SUMF1: variants seen among roughly 807,000 people sequenced by gnomAD.
SUMF1 encodes the protein sulfatase modifying factor 1, also known as formylglycine-generating enzyme.
Under a neutral mutation model 47.6 loss-of-function variants are expected in SUMF1, and 48 were observed. That is an observed-to-expected ratio of 1.01 (90% CI 0.80 to 1.28). SUMF1 has a LOEUF of 1.28. SUMF1 is among the 50% of genes most tolerant of loss of function. The pLI is 0.00. For synonymous variants in SUMF1, 230 were observed against 192.1 expected (o/e 1.20, Z -1.63); for missense variants, 571 against 485.4 (o/e 1.18, Z -1.66).
At chr3:4,243,938 G>A (rs1256402679) in intron 8 of SUMF1, among the ~76,000 whole-genome samples, 2 of 152,128 alleles carry the variant, frequency 1.3e-5, no homozygotes, top group Non-Finnish European at 2.9e-5. Flanking sequence ...GAATCGGGGT[G>A]CTCCTGTATT....
At chr3:4,150,047 A>G (rs762264702) in intron 8 of SUMF1, among the ~76,000 whole-genome samples, 4 of 152,144 alleles carry the variant, frequency 2.6e-5, no homozygotes, top group Non-Finnish European at 4.4e-5. Context: ...TGCTAAACAA[A>G]TATCTTAAGA....
chr3:4,235,032 G>T (rs559497639), intron 8 of SUMF1, among the ~76,000 whole-genome samples: 2 of 152,104 alleles, frequency 1.3e-5, no homozygotes, highest in Admixed American at 6.5e-5. Flanking sequence ...GCTGCAGTTG[G>T]GTGAATAAAT....
intron 8 of SUMF1, among the ~76,000 whole-genome samples, chr3:4,116,429 A>G (rs1386364861): frequency 6.6e-6 from 1 of 151,924 alleles, no homozygotes; most frequent in Non-Finnish European, 1.5e-5. Flanking sequence ...AGAAACCCTA[A>G]ATTTTCAAAA....
At chr3:4,302,797 A>C (rs1390396807) in intron 8 of SUMF1, among the ~76,000 whole-genome samples, 4 of 152,100 alleles carry the variant, frequency 2.6e-5, no homozygotes, top group Non-Finnish European at 5.9e-5. Context: ...ATCCTTTGGC[A>C]GGGCAGGGGT....
intron 8 of SUMF1, among the ~76,000 whole-genome samples, chr3:4,249,522 C>A (rs185176010): frequency 2.4e-4 from 37 of 152,238 alleles, no homozygotes; most frequent in Admixed American, 7.2e-4. Flanking sequence ...GGGGGCACCA[C>A]AAATCACGTC....
At chr3:4,199,322 T>C (rs1695494078) in intron 8 of SUMF1, among the ~76,000 whole-genome samples, 1 of 152,194 alleles carries the variant, frequency 6.6e-6, no homozygotes, top group Admixed American at 6.5e-5. Context: ...AGTTTGCTCC[T>C]TCTTATTGCT....
chr3:4,420,236 T>C (rs532446212), intron 3 of SUMF1, 90 bp from the exon 4 acceptor site: 49 of 921,778 alleles, frequency 5.3e-5, no homozygotes, highest in South Asian at 5.1e-4. Flanking sequence ...AATCTCAATG[T>C]CTTCAACTTC....
At chr3:4,194,805 A>G (rs1485845287) in intron 8 of SUMF1, among the ~76,000 whole-genome samples, 1 of 152,186 alleles carries the variant, frequency 6.6e-6, no homozygotes, top group East Asian at 1.9e-4. Context: ...TACGGTCAAT[A>G]CAGTTCCCAT....
chr3:4,145,910 G>A (rs1476524376), intron 8 of SUMF1, among the ~76,000 whole-genome samples: 2 of 152,058 alleles, frequency 1.3e-5, no homozygotes, highest in African/African-American at 4.8e-5. Context: ...AAGAACCTCA[G>A]CGATTCCAAT....
chr3:4,212,782 C>T (rs1006389690), intron 8 of SUMF1, among the ~76,000 whole-genome samples: 10 of 151,756 alleles, frequency 6.6e-5, no homozygotes, highest in Non-Finnish European at 1.0e-4. Context: ...TATCAATAGC[C>T]GAATTGATCA....
chr3:4,246,344 A>G (rs535858774), intron 8 of SUMF1, among the ~76,000 whole-genome samples: 6 of 151,742 alleles, frequency 4.0e-5, no homozygotes, highest in African/African-American at 1.5e-4. Flanking sequence ...TTCTGTGTCA[A>G]TCTCGCTGGG....
intron 8 of SUMF1, among the ~76,000 whole-genome samples, chr3:4,330,324 G>A (rs1360818736): frequency 6.6e-6 from 1 of 152,118 alleles, no homozygotes; most frequent in East Asian, 1.9e-4. Flanking sequence ...TTCTCATGCT[G>A]CTAATAAAGA....
rs1699783726 is a variant in SUMF1 at position 4,362,152 on chromosome 3, T to C, written c.1117A>G (p.Met373Val). The C allele has an allele frequency of 1.2e-6, 2 of 1,614,020 alleles. No individual in the cohort carries two copies. Among genetic ancestry groups the C allele is most frequent in the East Asian group, 2.2e-5 (1 of 44,886 alleles). ...FRCAADRLPT[M>V]D ...AAGACTTTCCTTGGTTGTCAGTCCATAGTGGGCAGGCGGTCGGCTGCACAG... is the reference window on the plus strand; with the variant it reads ...AAGACTTTCCTTGGTTGTCAGTCCACAGTGGGCAGGCGGTCGGCTGCACAG... The change falls in exon 9 of 9, where the codon ATG (methionine) becomes GTG (valine). Residue 373 changes from methionine (M) to valine (V), a missense_variant. Met to Val is a conservative substitution (Grantham distance 21, BLOSUM62 1). Transcript: ENST00000272902.
chr3:4,425,463 T>C (rs1042007490), intron 3 of SUMF1, among the ~76,000 whole-genome samples: 22 of 152,180 alleles, frequency 1.4e-4, no homozygotes, highest in African/African-American at 5.3e-4. Context: ...ACATATATTC[T>C]AATTAGTGAA....
At chr3:4,147,566 G>A (rs1694224825) in intron 8 of SUMF1, among the ~76,000 whole-genome samples, 1 of 152,256 alleles carries the variant, frequency 6.6e-6, no homozygotes, top group East Asian at 1.9e-4. Context: ...CACCTAAAAA[G>A]CTGTTTGACA....
At chr3:4,335,301 T>C (rs4685740) in intron 8 of SUMF1, among the ~76,000 whole-genome samples, 107,654 of 151,538 alleles carry the variant, frequency 0.71, 38,797 homozygotes, top group African/African-American at 0.83. Flanking sequence ...CAGACCACCC[T>C]ACCTACCTCT....
chr3:4,138,578 G>C (rs751712959), intron 8 of SUMF1, among the ~76,000 whole-genome samples: 2 of 152,094 alleles, frequency 1.3e-5, no homozygotes, highest in Non-Finnish European at 1.5e-5. Context: ...AGCTCAGTGA[G>C]CTTCCCTAGT....
At chr3:4,187,566 T>C (rs1384158088) in intron 8 of SUMF1, among the ~76,000 whole-genome samples, 4 of 152,118 alleles carry the variant, frequency 2.6e-5, no homozygotes, top group Non-Finnish European at 5.9e-5. Context: ...TGAACAAAAT[T>C]GAGGAATTAA....
At chr3:4,302,545 T>A (rs1479152587) in intron 8 of SUMF1, among the ~76,000 whole-genome samples, 1 of 152,256 alleles carries the variant, frequency 6.6e-6, no homozygotes, top group Non-Finnish European at 1.5e-5. Context: ...GCTGGCTGGC[T>A]TTTCCTGAAT....
Sources: allele counts gnomAD v4.1 joint callset (sites outside exome capture counted in the v4.1 genomes callset), GRCh38; gene constraint gnomAD v4.1.1; transcripts MANE v1.5; gene names NCBI Gene and HGNC (gene_info 2026-07-23, HGNC 2026-07-21).